EXOC6B: variants seen among roughly 807,000 people sequenced by gnomAD.
EXOC6B encodes SEC15 homolog B.
In EXOC6B, 54 loss-of-function variants were observed where a neutral mutation model predicts 113.5. The observed-to-expected ratio is 0.48, with a 90% confidence interval of 0.38 to 0.60. The LOEUF (loss-of-function observed/expected upper bound fraction) is 0.60. Among genes scored for constraint, EXOC6B ranks in the 20% least tolerant of loss-of-function variants. EXOC6B has a pLI of 0.00. For missense variants in EXOC6B, 797 were observed against 977.5 expected (o/e 0.82, Z 2.46); for synonymous variants, 357 against 339.0 (o/e 1.05, Z -0.58).
chr2:72,449,071 T>C (rs1485194688), intron 18 of EXOC6B, among the ~76,000 whole-genome samples: 1 of 152,236 alleles, frequency 6.6e-6, no homozygotes, highest in African/African-American at 2.4e-5. Context: ...TCAGCTCATA[T>C]TATAAAGCTT....
chr2:72,296,450 A>C (rs981532202), intron 20 of EXOC6B, among the ~76,000 whole-genome samples: 1 of 152,164 alleles, frequency 6.6e-6, no homozygotes, highest in African/African-American at 2.4e-5. Flanking sequence ...ATTTAGATAA[A>C]GATAATTCAT....
intron 18 of EXOC6B, among the ~76,000 whole-genome samples, chr2:72,449,703 A>G (rs1696801784): frequency 1.3e-5 from 2 of 152,232 alleles, no homozygotes; most frequent in South Asian, 4.1e-4. Flanking sequence ...TTTTACAGTT[A>G]TTATTTTGGA....
chr2:72,622,180 T>C (rs1246663876), intron 6 of EXOC6B, among the ~76,000 whole-genome samples: 2 of 151,236 alleles, frequency 1.3e-5, no homozygotes, highest in Non-Finnish European at 2.9e-5. Flanking sequence ...ACACATGAAG[T>C]TTATATAAGT....
chr2:72,624,104 T>C (rs1379546066), intron 6 of EXOC6B, among the ~76,000 whole-genome samples: 1 of 152,202 alleles, frequency 6.6e-6, no homozygotes, highest in Non-Finnish European at 1.5e-5. Context: ...AGAGCAACTC[T>C]ATATTTTCTC....
intron 1 of EXOC6B, among the ~76,000 whole-genome samples, chr2:72,821,031 G>A (rs1686551543): frequency 1.3e-5 from 2 of 151,912 alleles, no homozygotes; most frequent in Admixed American, 1.3e-4. Flanking sequence ...CAAAAGCTAA[G>A]AACATGAAAG....
chr2:72,781,798 A>G (rs1684053714), intron 1 of EXOC6B, among the ~76,000 whole-genome samples: 1 of 152,150 alleles, frequency 6.6e-6, no homozygotes, highest in African/African-American at 2.4e-5. Flanking sequence ...CTAACTTCCA[A>G]GGAGAAAGGA....
intron 20 of EXOC6B, chr2:72,289,154 C>T: frequency 4.6e-6 from 1 of 216,204 alleles, no homozygotes; most frequent in Non-Finnish European, 9.3e-6. Flanking sequence ...GGCTCATGGG[C>T]CAAAAAAAAA....
At chr2:72,319,887 G>A (rs1288136352) in intron 20 of EXOC6B, among the ~76,000 whole-genome samples, 6 of 151,732 alleles carry the variant, frequency 4.0e-5, no homozygotes. Flanking sequence ...CCAGGCTGAA[G>A]TGCAGTGGTG....
In EXOC6B at chr2:72,499,889, G is replaced by A. The variant is rs893579086; in HGVS notation, c.1239+12C>T. ...CAATCTAGATGAGCATATGTAAACA[G>A]AAATCACATACCTGAAGTGTGTCAG... is the stretch of plus-strand genomic sequence containing the variant. On this transcript the variant is annotated intron_variant, in intron 12 of 21. Transcript: ENST00000272427. The A allele has an allele frequency of 2.2e-5, 33 of 1,533,910 alleles. No homozygotes were observed. Among genetic ancestry groups the A allele is most frequent in the Non-Finnish European group, 2.9e-5 (33 of 1,130,522 alleles).
chr2:72,521,246 A>G (rs1449836735), intron 8 of EXOC6B, among the ~76,000 whole-genome samples: 1 of 152,150 alleles, frequency 6.6e-6, no homozygotes, highest in African/African-American at 2.4e-5. Flanking sequence ...GTTGTCATCT[A>G]GAAGAAAAGA....
chr2:72,278,179 CCTT>C (rs1684916355), intron 20 of EXOC6B, among the ~76,000 whole-genome samples: 1 of 152,192 alleles, frequency 6.6e-6, no homozygotes, highest in Admixed American at 6.5e-5. Context: ...AATGAAATCT[CCTT>C]CTCTTCCTCA....
At chr2:72,634,953 A>C (rs1672721149) in intron 6 of EXOC6B, among the ~76,000 whole-genome samples, 2 of 152,150 alleles carry the variant, frequency 1.3e-5, no homozygotes, top group African/African-American at 4.8e-5. Context: ...AACAAAAAAA[A>C]AAACTTCTAA....
intron 6 of EXOC6B, among the ~76,000 whole-genome samples, chr2:72,578,325 G>T (rs2103843518): frequency 6.6e-6 from 1 of 152,226 alleles, no homozygotes; most frequent in East Asian, 1.9e-4. Context: ...CTAACACTTA[G>T]ATTCCACCAT....
At chr2:72,615,145 CTAGAGA>C (rs1166882281) in intron 6 of EXOC6B, among the ~76,000 whole-genome samples, 1 of 152,002 alleles carries the variant, frequency 6.6e-6, no homozygotes, top group African/African-American at 2.4e-5. Context: ...TAAGGTTGTA[CTAGAGA>C]TAAAGACCAT....
chr2:72,377,593 G>C (rs186629548), intron 19 of EXOC6B, among the ~76,000 whole-genome samples: 1 of 152,270 alleles, frequency 6.6e-6, no homozygotes, highest in East Asian at 1.9e-4. Context: ...CTAATGTTTA[G>C]TAAGAAAAGG....
At chr2:72,384,202 T>C (rs1270161616) in intron 18 of EXOC6B, among the ~76,000 whole-genome samples, 3 of 151,906 alleles carry the variant, frequency 2.0e-5, no homozygotes, top group East Asian at 3.9e-4. Flanking sequence ...ACAAAAGGTG[T>C]GAGACTCTAT....
At chr2:72,252,818 T>C (rs1429071231) in intron 20 of EXOC6B, among the ~76,000 whole-genome samples, 1 of 152,190 alleles carries the variant, frequency 6.6e-6, no homozygotes, top group East Asian at 1.9e-4. Context: ...CTCAGCATCA[T>C]GCAATATACC....
intron 6 of EXOC6B, among the ~76,000 whole-genome samples, chr2:72,669,765 A>G (rs1470525595): frequency 6.6e-6 from 1 of 152,222 alleles, no homozygotes; most frequent in Non-Finnish European, 1.5e-5. Context: ...GCCAGGCACT[A>G]TTGGCAGCAG....
At chr2:72,649,577 T>G (rs1674012600) in intron 6 of EXOC6B, among the ~76,000 whole-genome samples, 1 of 151,892 alleles carries the variant, frequency 6.6e-6, no homozygotes, top group African/African-American at 2.4e-5. Context: ...TTTTAAAAAC[T>G]AAATAAATAA....
Sources: allele counts gnomAD v4.1 joint callset (sites outside exome capture counted in the v4.1 genomes callset), GRCh38; gene constraint gnomAD v4.1.1; transcripts MANE v1.5; gene names NCBI Gene and HGNC (gene_info 2026-07-23, HGNC 2026-07-21).